CDH13: variants seen among roughly 807,000 people sequenced by gnomAD.
CDH13 encodes cadherin-13.
CDH13 carries 24 observed loss-of-function variants against 63.8 expected under a neutral mutation model. That is an observed-to-expected ratio of 0.38 (90% CI 0.27 to 0.53). CDH13 has a LOEUF of 0.53. Ranked by LOEUF, CDH13 falls within the 20% of genes least tolerant of loss-of-function variation. The pLI, the probability that CDH13 is intolerant of heterozygous loss-of-function variation, is 0.85. For missense variants in CDH13, 1,049 were observed against 903.1 expected (o/e 1.16, Z -2.07); for synonymous variants, 503 against 355.3 (o/e 1.42, Z -4.67).
At chr16:83,144,140 A>T (rs985957546) in intron 4 of CDH13, among the ~76,000 whole-genome samples, 2 of 152,118 alleles carry the variant, frequency 1.3e-5, no homozygotes, top group African/African-American at 4.8e-5. Context: ...TGCTTGGTCA[A>T]CGTGCCCCTT....
rs117895945 is a variant in CDH13 at position 83,356,995 on chromosome 16, T to A, written c.781+11989T>A. 8.9e-3 allele frequency among the ~76,000 whole-genome samples: 1,356 copies of A among 152,330 alleles called. 17 individuals carry two copies. The highest frequency in any genetic ancestry group is 0.013 in the Non-Finnish European group (886 of 68,028). On this transcript the variant is annotated intron_variant, in intron 6 of 13. Coordinates refer to ENST00000567109, the MANE Select transcript of CDH13 (RefSeq NM_001257.5). ...TCCAGTTTTCCACTTTTCTTTAGTG[T>A]GTCACCATCTTTATCTCCTATGATA...
At chr16:83,313,099 C>G (rs1273613194) in intron 5 of CDH13, among the ~76,000 whole-genome samples, 3 of 152,184 alleles carry the variant, frequency 2.0e-5, no homozygotes, top group Non-Finnish European at 4.4e-5. Context: ...GCAAGTGAAG[C>G]TCATGCACAT....
At chr16:82,700,349 C>T (rs941649698) in intron 1 of CDH13, among the ~76,000 whole-genome samples, 6 of 152,190 alleles carry the variant, frequency 3.9e-5, no homozygotes, top group African/African-American at 1.4e-4. Flanking sequence ...GAATCAGTAC[C>T]ATGCGTAAAA....
At chr16:83,475,477 G>A (rs577509003) in intron 6 of CDH13, among the ~76,000 whole-genome samples, 14 of 152,340 alleles carry the variant, frequency 9.2e-5, no homozygotes, top group Admixed American at 8.5e-4. Flanking sequence ...AAAGTGGACT[G>A]AATTTGAGTG....
At chr16:82,656,688 A>T (rs931149506) in intron 1 of CDH13, among the ~76,000 whole-genome samples, 5 of 152,174 alleles carry the variant, frequency 3.3e-5, no homozygotes, top group African/African-American at 4.8e-5. Flanking sequence ...TTATGATATC[A>T]CACAGAATAG....
intron 3 of CDH13, among the ~76,000 whole-genome samples, chr16:83,107,750 T>C (rs1214730188): frequency 1.8e-4 from 27 of 150,852 alleles, no homozygotes; most frequent in East Asian, 1.9e-4. Context: ...TTTTTTTTTT[T>C]ACAATCACAT....
intron 10 of CDH13, among the ~76,000 whole-genome samples, chr16:83,722,770 TG>T (rs552777482): frequency 2.0e-5 from 3 of 152,104 alleles, no homozygotes; most frequent in South Asian, 2.1e-4. Flanking sequence ...GAAACCAGGC[TG>T]GGGGGGTGGA....
intron 1 of CDH13, among the ~76,000 whole-genome samples, chr16:82,691,096 G>C (rs949832765): frequency 6.6e-6 from 1 of 152,218 alleles, no homozygotes; most frequent in Admixed American, 6.5e-5. Context: ...GGCATCTATG[G>C]TGTACCAGGC....
At chr16:83,090,727 T>C (rs2033865181) in intron 3 of CDH13, among the ~76,000 whole-genome samples, 1 of 152,096 alleles carries the variant, frequency 6.6e-6, no homozygotes, top group African/African-American at 2.4e-5. Flanking sequence ...GAGTTGGTGA[T>C]TAAACTTTAA....
intron 1 of CDH13, among the ~76,000 whole-genome samples, chr16:82,712,758 C>A (rs2032050858): frequency 1.3e-5 from 2 of 152,184 alleles, no homozygotes. Flanking sequence ...ATAGCCTTTC[C>A]TGGGATTACC....
intron 8 of CDH13, chr16:83,654,694 T>G (rs1390019028): frequency 1.3e-5 from 2 of 152,166 alleles, no homozygotes; most frequent in African/African-American, 4.8e-5. Context: ...TGCCTGTACT[T>G]TCGTCTCCAG....
At chr16:83,625,492 G>C (rs920128468) in intron 8 of CDH13, among the ~76,000 whole-genome samples, 1 of 152,184 alleles carries the variant, frequency 6.6e-6, no homozygotes, top group Non-Finnish European at 1.5e-5. Context: ...CGTGCTGAGA[G>C]CCGAGCCTGT....
rs374803045 is a variant in CDH13 at position 83,667,594 on chromosome 16, A to G, written c.1102-3196A>G. Among the ~76,000 whole-genome samples, 10 of 152,170 alleles carry G rather than the reference A, an allele frequency of 6.6e-5. No individual in the cohort carries two copies. The East Asian group carries it at 1.2e-3, about 18-fold the overall frequency. On this transcript the variant is annotated intron_variant, in intron 8 of 13. Transcript: ENST00000567109. ...ACCATTATCACAGTGCTAGGACCCTAAAATCGAAAGAAATAAAAAGAACTT... is the reference window on the plus strand; with the variant it reads ...ACCATTATCACAGTGCTAGGACCCTGAAATCGAAAGAAATAAAAAGAACTT...
intron 2 of CDH13, among the ~76,000 whole-genome samples, chr16:82,962,910 T>A (rs1907237656): frequency 6.6e-6 from 1 of 152,136 alleles, no homozygotes; most frequent in South Asian, 2.1e-4. Context: ...TTTAAAAAAA[T>A]TAGATTAGGG....
chr16:83,028,713 A>C (rs1916041589), intron 2 of CDH13, among the ~76,000 whole-genome samples: 1 of 152,242 alleles, frequency 6.6e-6, no homozygotes, highest in South Asian at 2.1e-4. Context: ...CAATTATAAC[A>C]ATAATGAAAA....
intron 4 of CDH13, chr16:83,181,029 C>T (rs2038334264): frequency 6.6e-6 from 10 of 1,505,500 alleles, no homozygotes; most frequent in African/African-American, 1.4e-5. Context: ...CCCACTAGCA[C>T]TCGGTATTTC....
chr16:82,966,777 G>A (rs1003350257), intron 2 of CDH13, among the ~76,000 whole-genome samples: 2 of 152,130 alleles, frequency 1.3e-5, no homozygotes, highest in Non-Finnish European at 2.9e-5. Flanking sequence ...GAAAATTGCA[G>A]ACTCGATGCC....
chr16:82,905,432 CGTGT>C (rs140795057), intron 2 of CDH13, among the ~76,000 whole-genome samples: 14,683 of 143,506 alleles, frequency 0.1, 894 homozygotes, highest in Middle Eastern at 0.19. Flanking sequence ...ATGAATCACA[CGTGT>C]GTGTGTGTGT....
rs139895232 is a variant in CDH13 at position 83,531,380 on chromosome 16, A to G, written c.960+44725A>G. 5.9e-5 allele frequency among the ~76,000 whole-genome samples: 9 copies of G among 152,318 alleles called. No homozygotes were observed. In the East Asian group the frequency reaches 1.7e-3, roughly 29 times the overall value. Reference sequence around the variant, plus strand: ...TAAAAGATGGCTCCCCCAGACACCCAAGTCCTGATCCTGGTACCTATGACT... The same window carrying G: ...TAAAAGATGGCTCCCCCAGACACCCGAGTCCTGATCCTGGTACCTATGACT... On this transcript the variant is annotated intron_variant, in intron 7 of 13. Coordinates refer to ENST00000567109, the MANE Select transcript of CDH13 (RefSeq NM_001257.5).
Sources: allele counts gnomAD v4.1 joint callset (sites outside exome capture counted in the v4.1 genomes callset), GRCh38; gene constraint gnomAD v4.1.1; transcripts MANE v1.5; gene names NCBI Gene and HGNC (gene_info 2026-07-23, HGNC 2026-07-21).